Variants in TECTA observed in about 807,000 individuals in gnomAD.
TECTA encodes tectorin alpha.
A neutral mutation model predicts 216.8 loss-of-function variants in TECTA; 128 were observed. That is an observed-to-expected ratio of 0.59 (90% CI 0.51 to 0.68). TECTA has a LOEUF of 0.68. Ranked by LOEUF, TECTA falls within the 30% of genes least tolerant of loss-of-function variation. The pLI is 0.00. For synonymous variants in TECTA, 1,089 were observed against 1,117.1 expected (o/e 0.97, Z 0.50); for missense variants, 2,551 against 2,786.2 (o/e 0.92, Z 1.90).
At chr11:121,123,326 G>A (rs1009540993) in intron 7 of TECTA, among the ~76,000 whole-genome samples, 1 of 152,184 alleles carries the variant, frequency 6.6e-6, no homozygotes, top group Non-Finnish European at 1.5e-5. Context: ...ACCCGTACTA[G>A]ATGCCTGGGG....
Position 121,190,734 on chromosome 11 carries a change from C to A in TECTA, c.6396C>A (p.Val2132=). The A allele has an allele frequency of 6.2e-7, 1 of 1,613,940 alleles. No homozygotes were observed. Among genetic ancestry groups the A allele is most frequent in the Non-Finnish European group, 8.5e-7 (1 of 1,179,878 alleles). The change falls in exon 24 of 24, where the codon GTC becomes GTA. Residue 2132 remains valine, a synonymous_variant. Transcript: ENST00000392793. Reference sequence around the variant, plus strand: ...CTAATTCTTCAATGGAACTTCAAGTCTGGACGCTTCTTCTCATCATGATCC... The same window carrying A: ...CTAATTCTTCAATGGAACTTCAAGTATGGACGCTTCTTCTCATCATGATCC... The part of the protein sequence containing the change: ...RASNSSMELQ[V]WTLLLIMIQI...
Position 121,129,867 on chromosome 11 carries a change from A to G in TECTA, c.2597A>G (p.Lys866Arg). 1 of 1,614,242 alleles carries G rather than the reference A, an allele frequency of 6.2e-7. No individual in the cohort carries two copies. The highest frequency in any genetic ancestry group is 1.1e-5 in the South Asian group (1 of 91,082). ...ASDEFCLPNG[K>R]CTDNLAVFLE... ...GACGAGTTCTGTCTCCCCAACGGCA[A>G]GTGCACGGACAACCTGGCAGTGTTC... is the stretch of plus-strand genomic sequence containing the variant. The change falls in exon 10 of 24, where the codon AAG (lysine) becomes AGG (arginine). Residue 866 changes from lysine to arginine, a missense_variant. Around this residue, in one of 3 missense-constraint regions of TECTA, gnomAD observed 2,375 missense variants for 2,563.9 expected, o/e 0.93. Coordinates refer to ENST00000392793, the MANE Select transcript of TECTA (RefSeq NM_005422.4).
intron 7 of TECTA, 138 bp from the exon 8 acceptor site, chr11:121,125,164 G>A: frequency 1.1e-6 from 1 of 874,760 alleles, no homozygotes; most frequent in South Asian, 1.4e-5. Flanking sequence ...TCAGAGGGAA[G>A]CCCACTGGAG....
chr11:121,183,663 G>A (rs1947253694), intron 20 of TECTA, among the ~76,000 whole-genome samples: 1 of 152,146 alleles, frequency 6.6e-6, no homozygotes, highest in African/African-American at 2.4e-5. Context: ...GGAGGCAGAG[G>A]TTGCAGTGAG....
intron 12 of TECTA, 65 bp from the exon 13 acceptor site, chr11:121,152,816 C>G: frequency 6.6e-7 from 1 of 1,526,298 alleles, no homozygotes; most frequent in Non-Finnish European, 8.9e-7. Context: ...TGAGCAATGG[C>G]CATGAGAAAA....
chr11:121,163,611 G>T (rs1947023423), intron 16 of TECTA, among the ~76,000 whole-genome samples: 1 of 151,984 alleles, frequency 6.6e-6, no homozygotes. Flanking sequence ...ATAATAAGAA[G>T]AAGAATAAGA....
rs1555123944 is a variant in TECTA, at chr11:121,127,943, G to A, written c.1966G>A (p.Gly656Ser). The A allele has an allele frequency of 1.2e-6, 2 of 1,614,130 alleles. No homozygotes were observed. The highest frequency in any genetic ancestry group is 2.2e-5 in the South Asian group (2 of 91,086). Residue 656 changes from glycine to serine, a missense_variant, in exon 9 of 24, where the codon GGC (glycine) becomes AGC (serine). This residue lies in a region of TECTA where 2,375 missense variants were observed against 2,563.9 expected (regional missense o/e 0.93). Transcript: ENST00000392793. The surrounding 1 kb of genome is among the most constrained non-coding windows in gnomAD (Gnocchi z 5.0). ...GCACAAGTGCGGCTGCGACTTCGAC[G>A]GCCACTACTACACCATGGGGGAGTT... ...PLHKCGCDFDGHYYTMGEFFW... is the reference protein window; with the variant it reads ...PLHKCGCDFDSHYYTMGEFFW...
At chr11:121,103,596 T>G (rs996827295) in intron 2 of TECTA, among the ~76,000 whole-genome samples, 2 of 152,076 alleles carry the variant, frequency 1.3e-5, no homozygotes, top group African/African-American at 4.8e-5. Flanking sequence ...AAAAAAATCC[T>G]GGAAACATAG....
chr11:121,160,750 T>G (rs1304881486), intron 15 of TECTA, among the ~76,000 whole-genome samples: 2 of 152,106 alleles, frequency 1.3e-5, no homozygotes, highest in Non-Finnish European at 2.9e-5. Context: ...CTCTGCTGGG[T>G]GTGGAATTAA....
intron 12 of TECTA, among the ~76,000 whole-genome samples, chr11:121,149,280 T>C (rs1946867888): frequency 6.6e-6 from 1 of 152,244 alleles, no homozygotes; most frequent in African/African-American, 2.4e-5. Context: ...GTGGTCAAAG[T>C]TGGTTGTCAT....
chr11:121,169,843 G>A (rs1281196320), intron 20 of TECTA, among the ~76,000 whole-genome samples: 1 of 152,156 alleles, frequency 6.6e-6, no homozygotes, highest in African/African-American at 2.4e-5. Context: ...CCTTGAATAT[G>A]TATCTTTCCT....
At chr11:121,136,744 C>T (rs1256653019) in intron 10 of TECTA, among the ~76,000 whole-genome samples, 2 of 152,154 alleles carry the variant, frequency 1.3e-5, no homozygotes, top group East Asian at 1.9e-4. Flanking sequence ...ACATACAATG[C>T]TCCCTCTCCA....
chr11:121,118,406 T>C lies in TECTA; in HGVS notation c.891T>C (p.Ala297=). ...DFNNEIYCQE[A]SCSPYEVCEP... ...ACAATGAGATCTACTGCCAGGAGGC[T>C]TCCTGTAGCCCCTACGAGGTGTGCG... Residue 297 remains alanine (A), a synonymous_variant, in exon 7 of 24, where the codon GCT becomes GCC. Coordinates refer to ENST00000392793, the MANE Select transcript of TECTA (RefSeq NM_005422.4). The C allele has an allele frequency of 6.2e-7, 1 of 1,614,204 alleles. No homozygotes were observed. Among genetic ancestry groups the C allele is most frequent in the African/African-American group, 1.3e-5 (1 of 75,058 alleles).
chr11:121,108,901 C>T (rs1946417290), intron 3 of TECTA, among the ~76,000 whole-genome samples: 1 of 150,032 alleles, frequency 6.7e-6, no homozygotes, highest in Non-Finnish European at 1.5e-5. Context: ...CACATACACA[C>T]ACACAGAAGC....
At chr11:121,136,084 G>A (rs902025580) in intron 10 of TECTA, among the ~76,000 whole-genome samples, 8 of 151,818 alleles carry the variant, frequency 5.3e-5, no homozygotes, top group Non-Finnish European at 8.8e-5. Flanking sequence ...TCAGCCTCCC[G>A]AGTAGCTTAG....
Position 121,132,701 on chromosome 11 carries a change from C to T in TECTA, c.2941+2490C>T, listed in dbSNP as rs189547078. On this transcript the variant is annotated intron_variant, in intron 10 of 23. Coordinates refer to ENST00000392793, the MANE Select transcript of TECTA (RefSeq NM_005422.4). Reference sequence around the variant, plus strand: ...TGAACCTACAGTTTCAGTCCAATACCGCAGAGTTTTCTAGTTTTCCTTTTT... The same window carrying T: ...TGAACCTACAGTTTCAGTCCAATACTGCAGAGTTTTCTAGTTTTCCTTTTT... 8.0e-4 allele frequency among the ~76,000 whole-genome samples: 121 copies of T among 152,198 alleles called. 2 individuals are homozygous for T. Among genetic ancestry groups the T allele is most frequent in the Non-Finnish European group, 8.8e-5 (6 of 68,008 alleles).
At chr11:121,122,084 C>T (rs1257772314) in intron 7 of TECTA, among the ~76,000 whole-genome samples, 2 of 152,160 alleles carry the variant, frequency 1.3e-5, no homozygotes, top group East Asian at 3.9e-4. Context: ...TAGCTCTCTG[C>T]AGGATGGTTT....
At chr11:121,174,617 A>G (rs1243907555) in intron 20 of TECTA, among the ~76,000 whole-genome samples, 5 of 152,156 alleles carry the variant, frequency 3.3e-5, no homozygotes, top group African/African-American at 1.2e-4. Flanking sequence ...GGATTTTTGC[A>G]TCAATGTTCT....
At chr11:121,150,522 C>A (rs1946879370) in intron 12 of TECTA, among the ~76,000 whole-genome samples, 1 of 151,794 alleles carries the variant, frequency 6.6e-6, no homozygotes, top group African/African-American at 2.4e-5. Context: ...TACATCTTTA[C>A]ATGGCAAAGA....
Sources: gnomAD v4.1 joint callset for allele counts (sites outside exome capture counted in the v4.1 genomes callset) on GRCh38, gnomAD v4.1.1 for gene constraint, gnomAD v4.1.1 regional missense constraint, Gnocchi (gnomAD v3.1) non-coding constraint, MANE v1.5 for transcripts, NCBI Gene and HGNC (gene_info 2026-07-23, HGNC 2026-07-21) for gene names.